Variants in MASTL observed in about 807,000 individuals in gnomAD.
MASTL encodes the protein microtubule associated serine/threonine kinase like, also known as serine/threonine-protein kinase greatwall.
MASTL carries 54 observed loss-of-function variants against 82.5 expected under a neutral mutation model. The observed-to-expected ratio is 0.65, with a 90% CI of 0.53 to 0.82. The LOEUF (loss-of-function observed/expected upper bound fraction) is 0.82. Ranked by LOEUF, MASTL falls within the 40% of genes least tolerant of loss-of-function variation. The pLI is 0.00. For synonymous variants in MASTL, 323 were observed against 368.9 expected, an observed-to-expected ratio of 0.88 and a Z score of 1.43; for missense variants, 950 against 1,047.8, an observed-to-expected ratio of 0.91 and a Z score of 1.29.
intron 9 of MASTL, among the ~76,000 whole-genome samples, chr10:27,180,030 A>T (rs939046907): frequency 2.6e-5 from 4 of 152,204 alleles, no homozygotes; most frequent in African/African-American, 9.6e-5. Context: ...CTTCTTGGAA[A>T]ATAAAGAGGA....
Position 27,170,324 on chromosome 10 carries a change from T to TA in MASTL, c.1372dup (p.Ile458AsnfsTer5), listed in dbSNP as rs780698479. ...TTGAGTTGGTTGACTCCAGTCCTTGTAAAAAAATTATACAGAATAAAAAAA... is the reference window on the plus strand; with the variant it reads ...TTGAGTTGGTTGACTCCAGTCCTTGTAAAAAAAATTATACAGAATAAAAAAA... On this transcript the variant is annotated frameshift_variant, in exon 8 of 12. Coordinates refer to ENST00000375940, the MANE Select transcript of MASTL (RefSeq NM_001172303.3). LOFTEE classifies it high-confidence loss of function. The TA allele has an allele frequency of 5.6e-6, 9 of 1,613,538 alleles. No individual in the cohort carries two copies. The highest frequency in any genetic ancestry group is 2.2e-5 in the East Asian group (1 of 44,890).
In MASTL at chr10:27,170,101, C is replaced by T; in HGVS notation, c.1142C>T (p.Thr381Ile). 6.2e-7 allele frequency: 1 copy of T among 1,614,190 alleles called. No homozygotes were observed. Among genetic ancestry groups the T allele is most frequent in the Non-Finnish European group, 8.5e-7 (1 of 1,180,042 alleles). Residue 381 changes from threonine (T) to isoleucine (I), a missense_variant, in exon 8 of 12, where the codon ACT becomes ATT. Transcript: ENST00000375940. ...CATAACAGCAGTGCCCTTCCCACCA[C>T]TGGACGCTCTTGTGTAAACCTTGCT... ...PIHNSSALPTTGRSCVNLAKK... is the reference protein window; with the variant it reads ...PIHNSSALPTIGRSCVNLAKK...
intron 1 of MASTL, among the ~76,000 whole-genome samples, chr10:27,156,147 A>T (rs144581073): frequency 0.02 from 2,974 of 151,550 alleles, 46 homozygotes; most frequent in Non-Finnish European, 0.03. Context: ...TGGGACTACA[A>T]GCGCCCGTCA....
chr10:27,158,757 C>T, intron 2 of MASTL, 71 bp downstream of exon 2: 1 of 1,559,970 alleles, frequency 6.4e-7, no homozygotes, highest in South Asian at 1.1e-5. Flanking sequence ...TTAAGAGAAC[C>T]ATGTTTTGGT....
Position 27,170,180 on chromosome 10 carries a change from T to C in MASTL, c.1221T>C (p.Asn407=). The change falls in exon 8 of 12, where the codon AAT becomes AAC. Residue 407 remains asparagine (N), a synonymous_variant. Transcript: ENST00000375940. ...GGGAAGCAGTAGAACTGGATGTAAATAATATAAATATGGACACTGACACAA... is the reference window on the plus strand; with the variant it reads ...GGGAAGCAGTAGAACTGGATGTAAACAATATAAATATGGACACTGACACAA... ...VSWEAVELDV[N]NINMDTDTSQ... is the part of the protein sequence containing the mutation. 6.2e-7 allele frequency: 1 copy of C among 1,614,130 alleles called. No homozygotes were observed. Among genetic ancestry groups the C allele is most frequent in the Non-Finnish European group, 8.5e-7 (1 of 1,180,016 alleles).
At chr10:27,174,819 T>G (rs1365186723) in intron 9 of MASTL, among the ~76,000 whole-genome samples, 2 of 152,154 alleles carry the variant, frequency 1.3e-5, no homozygotes, top group Non-Finnish European at 2.9e-5. Context: ...TAATCATAGT[T>G]GCAAAAACCC....
intron 6 of MASTL, among the ~76,000 whole-genome samples, chr10:27,166,554 C>CT (rs1240382087): frequency 6.6e-6 from 1 of 152,156 alleles, no homozygotes; most frequent in African/African-American, 2.4e-5. Flanking sequence ...GAGAGGATCA[C>CT]TTGAACCCAG....
At chr10:27,173,635 C>T (rs1253665237) in intron 9 of MASTL, among the ~76,000 whole-genome samples, 1 of 151,990 alleles carries the variant, frequency 6.6e-6, no homozygotes, top group Non-Finnish European at 1.5e-5. Context: ...GGCTGGAGTG[C>T]AATGGTGCAA....
At chr10:27,176,445 T>A (rs939103264) in intron 9 of MASTL, among the ~76,000 whole-genome samples, 1 of 152,190 alleles carries the variant, frequency 6.6e-6, no homozygotes, top group Non-Finnish European at 1.5e-5. Context: ...TCTTAGCTGC[T>A]AAGTAAAATC....
In MASTL at chr10:27,155,546, C is replaced by G. The variant is rs1330464233; in HGVS notation, c.120C>G (p.Pro40=). The G allele has an allele frequency of 3.1e-6, 5 of 1,614,170 alleles. No individual in the cohort carries two copies. The highest frequency in any genetic ancestry group is 4.2e-6 in the Non-Finnish European group (5 of 1,180,006). ...TTGAGGAATTCAGCATAGTGAAGCCCATTAGCCGGGGCGCCTTCGGGAAAG... is the reference window on the plus strand; with the variant it reads ...TTGAGGAATTCAGCATAGTGAAGCCGATTAGCCGGGGCGCCTTCGGGAAAG... ...PSIEEFSIVK[P]ISRGAFGKVY... is the part of the protein sequence containing the mutation. Residue 40 remains proline (P), a synonymous_variant, in exon 1 of 12, where the codon CCC becomes CCG. Coordinates refer to ENST00000375940, the MANE Select transcript of MASTL (RefSeq NM_001172303.3).
chr10:27,180,928 T>C, intron 9 of MASTL, 25 bp from the exon 10 acceptor site: 1 of 1,392,844 alleles, frequency 7.2e-7, no homozygotes, highest in Non-Finnish European at 1.0e-6. Flanking sequence ...GCTTGCAACT[T>C]TAGCTGTTTC....
Position 27,186,488 on chromosome 10 carries a change from A to G in MASTL, c.2592A>G (p.Glu864=). 1 of 1,614,146 alleles carries G rather than the reference A, an allele frequency of 6.2e-7. No individual in the cohort carries two copies. The highest frequency in any genetic ancestry group is 8.5e-7 in the Non-Finnish European group (1 of 1,180,016). The change falls in exon 12 of 12, where the codon GAA becomes GAG. Residue 864 remains glutamate (E), a synonymous_variant. Transcript: ENST00000375940. ...PDDETDTSYF[E]ARNTAQHLTV... is the part of the protein sequence containing the mutation. ...ATGAAACAGATACCTCCTATTTTGA[A>G]GCCAGGAATACTGCTCAGCACCTGA...
intron 11 of MASTL, among the ~76,000 whole-genome samples, chr10:27,182,785 CTTTTTT>C (rs35395419): frequency 4.1e-5 from 6 of 146,780 alleles, no homozygotes; most frequent in Admixed American, 2.7e-4. Flanking sequence ...AATCTTACCT[CTTTTTT>C]TTTTTTTTAA....
At chr10:27,157,907 G>A (rs549854266) in intron 1 of MASTL, among the ~76,000 whole-genome samples, 1 of 152,072 alleles carries the variant, frequency 6.6e-6, no homozygotes, top group African/African-American at 2.4e-5. Flanking sequence ...ACGCCCAGGT[G>A]CTAGTTATCT....
At chr10:27,157,213 C>T (rs2057421326) in intron 1 of MASTL, among the ~76,000 whole-genome samples, 1 of 152,188 alleles carries the variant, frequency 6.6e-6, no homozygotes, top group African/African-American at 2.4e-5. Flanking sequence ...CTTCCCTAAT[C>T]TTTCAGAATT....
In MASTL at chr10:27,179,443, G is replaced by T. The variant is rs138311139; in HGVS notation, c.2267-1510G>T. Among the ~76,000 whole-genome samples, 535 of 152,264 alleles carry T rather than the reference G, an allele frequency of 3.5e-3. 27 individuals are homozygous for T. In the East Asian group the frequency reaches 0.082, roughly 23 times the overall value. ...ATGGTGGCAGGCGCCTGTAGTCCCA[G>T]CTACTTGGGAGGCTGAGGCAGGAGA... On this transcript the variant is annotated intron_variant, in intron 9 of 11. Transcript: ENST00000375940.
At chr10:27,163,724 G>A (rs1403177441) in intron 4 of MASTL, among the ~76,000 whole-genome samples, 1 of 151,574 alleles carries the variant, frequency 6.6e-6, no homozygotes, top group African/African-American at 2.4e-5. Context: ...TCTACCTCCT[G>A]GGTTCACGCC....
At chr10:27,173,768 A>G (rs2058022521) in intron 9 of MASTL, among the ~76,000 whole-genome samples, 1 of 151,630 alleles carries the variant, frequency 6.6e-6, no homozygotes, top group Non-Finnish European at 1.5e-5. Flanking sequence ...TTTAGTAGAG[A>G]CAGTTTCACC....
At chr10:27,162,146 C>T (rs2057591299) in intron 4 of MASTL, among the ~76,000 whole-genome samples, 1 of 152,136 alleles carries the variant, frequency 6.6e-6, no homozygotes, top group Non-Finnish European at 1.5e-5. Context: ...ATAGTGCTTT[C>T]TGGAGGAAAT....
Sources: gnomAD v4.1 joint callset for allele counts (sites outside exome capture counted in the v4.1 genomes callset) on GRCh38, gnomAD v4.1.1 for gene constraint, MANE v1.5 for transcripts, NCBI Gene and HGNC (gene_info 2026-07-23, HGNC 2026-07-21) for gene names.